DLG3: variants seen among roughly 807,000 people sequenced by gnomAD.
DLG3 encodes the protein discs large MAGUK scaffold protein 3.
A neutral mutation model predicts 64.1 loss-of-function variants in DLG3; 1 was observed. The observed-to-expected ratio is 0.02, with a 90% CI of 0.01 to 0.07. The LOEUF is 0.07. Among genes scored for constraint, DLG3 ranks in the 10% least tolerant of loss-of-function variants. The probability of loss-of-function intolerance (pLI) is 1.00; values close to 1 mark genes in which losing one functional copy is unlikely to be tolerated. For synonymous variants in DLG3, 245 were observed against 259.8 expected (o/e 0.94, Z 0.55); for missense variants, 429 against 669.5 (o/e 0.64, Z 3.96).
chrX:70,457,908 C>T, intron 9 of DLG3, among the ~76,000 whole-genome samples: 1 of 108,953 alleles, frequency 9.2e-6, no homozygotes. Context: ...CAGTGTCAGG[C>T]TCTGTTGCCC....
intron 3 of DLG3, 29 bp downstream of exon 3, chrX:70,449,512 G>C (rs771412444): frequency 3.1e-5 from 37 of 1,209,641 alleles, no homozygotes; most frequent in Non-Finnish European, 4.0e-5. Context: ...AGGGTTGTGG[G>C]TGGCAGGGAC....
At chrX:70,447,217 C>T (rs1602861745) in intron 1 of DLG3, among the ~76,000 whole-genome samples, 2 of 111,302 alleles carry the variant, frequency 1.8e-5, no homozygotes, top group African/African-American at 6.5e-5. Context: ...GGGGCTAGAG[C>T]GTGGACCACT....
At chrX:70,457,834 G>A (rs2086740090) in intron 9 of DLG3, among the ~76,000 whole-genome samples, 2 of 110,201 alleles carry the variant, frequency 1.8e-5, no homozygotes, top group Admixed American at 1.9e-4. Context: ...GCCTCCCAAA[G>A]TGCTGGGATT....
At chrX:70,499,553 G>A (rs971263630) in intron 15 of DLG3, among the ~76,000 whole-genome samples, 2 of 111,813 alleles carry the variant, frequency 1.8e-5, no homozygotes, top group African/African-American at 6.5e-5. Flanking sequence ...CCAAAGTGGT[G>A]TTGATGTGAC....
chrX:70,484,727 C>T (rs999021651), intron 10 of DLG3, among the ~76,000 whole-genome samples: 5 of 111,755 alleles, frequency 4.5e-5, no homozygotes, highest in South Asian at 3.8e-4. Context: ...CCCAAACAGT[C>T]GCTCATTGCG....
Position 70,445,570 on chromosome X carries a change from C to A in DLG3, c.357+12C>A, listed in dbSNP as rs1211695586. ...ACTGGTATGAGCAGGTATGGACCAG[C>A]GGAGGGGGGAGCGGTGGGGCAACCC... is the stretch of plus-strand genomic sequence containing the variant. On this transcript the variant is annotated intron_variant, in intron 1 of 18. Transcript: ENST00000374360. 2.6e-6 allele frequency: 3 copies of A among 1,170,864 alleles called. No individual in the cohort carries two copies. The highest frequency in any genetic ancestry group is 3.4e-6 in the Non-Finnish European group (3 of 873,126).
intron 9 of DLG3, among the ~76,000 whole-genome samples, chrX:70,473,928 A>C (rs2087012524): frequency 8.9e-6 from 1 of 112,219 alleles, no homozygotes; most frequent in South Asian, 3.7e-4. Flanking sequence ...TGAATGAATA[A>C]AACTTCTTGG....
intron 2 of DLG3, 60 bp downstream of exon 2, chrX:70,449,023 G>T: frequency 8.7e-7 from 1 of 1,144,890 alleles, no homozygotes; most frequent in Non-Finnish European, 1.2e-6. Context: ...CAGGATAAGG[G>T]AGACCCCTGA....
chrX:70,452,416 G>A, intron 7 of DLG3: 1 of 951,048 alleles, frequency 1.1e-6, no homozygotes, highest in Non-Finnish European at 1.3e-6. Flanking sequence ...TGGGGCTGGC[G>A]GGACTCTGAC....
At chrX:70,463,412 G>T (rs934826638) in intron 9 of DLG3, among the ~76,000 whole-genome samples, 2 of 111,452 alleles carry the variant, frequency 1.8e-5, no homozygotes, top group African/African-American at 6.5e-5. Context: ...CTCCCAAAGT[G>T]CTGGGATTAC....
chrX:70,494,075 C>T (rs1216610920), intron 12 of DLG3, among the ~76,000 whole-genome samples: 1 of 112,301 alleles, frequency 8.9e-6, no homozygotes, highest in African/African-American at 3.2e-5. Context: ...CAGGAGAATC[C>T]TTCCTGCTTA....
In DLG3 at chrX:70,447,360, T is replaced by C. The variant is rs746688108; in HGVS notation, c.358-1553T>C. On this transcript the variant is annotated intron_variant, in intron 1 of 18. Coordinates refer to ENST00000374360, the MANE Select transcript of DLG3 (RefSeq NM_021120.4). The stretch of plus-strand genomic sequence containing the variant: ...CTTTGCTTATGTGTCTGTTGCATGG[T>C]ACTTAAGGCAGCTGTGTTGGTTTCG... 1.1e-3 allele frequency among the ~76,000 whole-genome samples: 120 copies of C among 112,067 alleles called. 1 individual carries two copies. Among genetic ancestry groups the C allele is most frequent in the Admixed American group, 2.0e-3 (21 of 10,639 alleles).
chrX:70,473,959 GA>G (rs2087012842), intron 9 of DLG3, among the ~76,000 whole-genome samples: 1 of 112,106 alleles, frequency 8.9e-6, no homozygotes. Flanking sequence ...GAAAGATGGT[GA>G]AGGATGTAAA....
At position 70,504,480 on chromosome X, in the gene DLG3, A is replaced by G. The variant is rs2087620156; in HGVS notation, c.*2211A>G. 1 of 112,105 alleles carries G rather than the reference A, an allele frequency of 8.9e-6. No individual in the cohort carries two copies. The highest frequency in any genetic ancestry group is 3.3e-5 in the African/African-American group (1 of 30,748). 9.2% of individuals were successfully genotyped at this position (112,105 alleles called of 1,213,427 possible). A position where few individuals can be genotyped will look rare whatever the true frequency, so the allele number is the denominator to read the frequency against. ...GAGGGCTCTCTCCTTAGTGATGATC[A>G]GCTAGCCGAGCTGGGCCGTCCTGGG... On this transcript the variant is annotated 3_prime_UTR_variant, in exon 19 of 19. Coordinates refer to ENST00000374360, the MANE Select transcript of DLG3 (RefSeq NM_021120.4).
intron 13 of DLG3, among the ~76,000 whole-genome samples, chrX:70,496,633 C>T (rs957414013): frequency 1.8e-5 from 2 of 112,370 alleles, no homozygotes; most frequent in African/African-American, 6.5e-5. Flanking sequence ...CCAGGCTCTC[C>T]TGCTTTGGAG....
intron 7 of DLG3, chrX:70,452,903 G>A (rs2086640638): frequency 9.2e-6 from 5 of 545,056 alleles, no homozygotes; most frequent in Admixed American, 4.4e-5. Flanking sequence ...GCGGTGGGCC[G>A]GGAACGTGCC....
At chrX:70,488,922 T>A (rs1341764174) in intron 10 of DLG3, among the ~76,000 whole-genome samples, 1 of 112,487 alleles carries the variant, frequency 8.9e-6, no homozygotes, top group Non-Finnish European at 1.9e-5. Context: ...ATATTTCTTG[T>A]CCATTCAGTA....
At chrX:70,457,152 T>G (rs1247404313) in intron 9 of DLG3, among the ~76,000 whole-genome samples, 1 of 112,060 alleles carries the variant, frequency 8.9e-6, no homozygotes, top group African/African-American at 3.3e-5. Flanking sequence ...AAGGTCAGCA[T>G]CAGAGGGTCA....
At chrX:70,458,387 A>G (rs1443891148) in intron 9 of DLG3, among the ~76,000 whole-genome samples, 1 of 112,371 alleles carries the variant, frequency 8.9e-6, no homozygotes, top group Non-Finnish European at 1.9e-5. Flanking sequence ...TTGCTTCCTA[A>G]TGTTCCTCCT....
Sources: gnomAD v4.1 joint callset for allele counts (sites outside exome capture counted in the v4.1 genomes callset) on GRCh38, gnomAD v4.1.1 for gene constraint, MANE v1.5 for transcripts, NCBI Gene and HGNC (gene_info 2026-07-23, HGNC 2026-07-21) for gene names.